BLCAP: variants seen among roughly 807,000 people sequenced by gnomAD.
BLCAP encodes apoptosis inducing factor BLCAP.
Under a neutral mutation model 5.7 loss-of-function variants are expected in BLCAP, and 1 was observed. The observed-to-expected ratio is 0.18, with a 90% CI of 0.06 to 0.83. The LOEUF is 0.83. BLCAP is among the 40% of genes least tolerant of loss of function. The pLI, the probability that BLCAP is intolerant of heterozygous loss-of-function variation, is 0.71. For synonymous variants in BLCAP, 48 were observed against 49.4 expected (o/e 0.97, Z 0.11); for missense variants, 66 against 107.6 (o/e 0.61, Z 1.71).
At chr20:37,522,598 G>GGGGGGGGGGGTGCC in intron 1 of BLCAP, 1 of 864,476 alleles carries the variant, frequency 1.2e-6, no homozygotes, top group Non-Finnish European at 1.7e-6. Context: ...GCGGGGGTGG[G>GGGGGGGGGGGTGCC]CACGGCAGCA....
At chr20:37,522,724 G>T in intron 1 of BLCAP, 4 of 1,611,360 alleles carry the variant, frequency 2.5e-6, no homozygotes, top group Middle Eastern at 1.9e-4. Flanking sequence ...CGGGCGGCAG[G>T]TGTTGGGGGA....
chr20:37,522,558 G>A (rs890767882), intron 1 of BLCAP: 259 of 1,362,804 alleles, frequency 1.9e-4, no homozygotes, highest in Admixed American at 2.8e-4. Flanking sequence ...TCCAGCCTAC[G>A]CTGGATGGGC....
At chr20:37,523,780 G>C (rs779556669) in intron 1 of BLCAP, 1 of 152,300 alleles carries the variant, frequency 6.6e-6, no homozygotes, top group Non-Finnish European at 1.5e-5. Flanking sequence ...CACTGCTTGG[G>C]GGAGGGAGGA....
At chr20:37,522,609 CCA>C in intron 1 of BLCAP, 2 of 1,524,332 alleles carry the variant, frequency 1.3e-6, no homozygotes. Context: ...CACGGCAGCA[CCA>C]CAGACATGCT....
At chr20:37,519,720 C>A (rs924878968) in intron 1 of BLCAP, among the ~76,000 whole-genome samples, 7 of 152,220 alleles carry the variant, frequency 4.6e-5, no homozygotes, top group Non-Finnish European at 7.3e-5. Flanking sequence ...GGGGCCCAGA[C>A]CTCACAATAC....
chr20:37,525,580 T>G (rs569468960), intron 1 of BLCAP, among the ~76,000 whole-genome samples: 1 of 152,256 alleles, frequency 6.6e-6, no homozygotes, highest in South Asian at 2.1e-4. Flanking sequence ...CACTCCCCAT[T>G]TGCATCCTCC....
chr20:37,520,551 A>T (rs1170375647), intron 1 of BLCAP: 1 of 152,302 alleles, frequency 6.6e-6, no homozygotes, highest in Non-Finnish European at 1.5e-5. Flanking sequence ...TTCCGTGCAT[A>T]CGAAGGGCGC....
chr20:37,527,626 A>T (rs1454970470), intron 1 of BLCAP, 167 bp downstream of exon 1: 1 of 152,412 alleles, frequency 6.6e-6, no homozygotes, highest in African/African-American at 2.4e-5. Context: ...AATCACGGCA[A>T]TCACCTGAAG....
chr20:37,522,261 T>C, intron 1 of BLCAP: 1 of 838,116 alleles, frequency 1.2e-6, no homozygotes, highest in South Asian at 1.6e-5. Flanking sequence ...AAGAAAGCGC[T>C]TTGCCCATAA....
chr20:37,522,674 G>A, intron 1 of BLCAP: 2 of 1,611,626 alleles, frequency 1.2e-6, no homozygotes, highest in Non-Finnish European at 8.5e-7. Flanking sequence ...CAGGTGTTCA[G>A]GTACTCCCTG....
chr20:37,527,763 C>T (rs2071749848), intron 1 of BLCAP, 30 bp downstream of exon 1: 1 of 152,238 alleles, frequency 6.6e-6, no homozygotes, highest in Non-Finnish European at 1.5e-5. Flanking sequence ...GGCCTCTCAT[C>T]CCGCCCCAAG....
intron 1 of BLCAP, chr20:37,522,745 C>A: frequency 6.2e-7 from 1 of 1,605,152 alleles, no homozygotes. Flanking sequence ...GCGCAGGCAG[C>A]GAGCCCCCAA....
At position 37,521,517 on chromosome 20, in the gene BLCAP, T is replaced by G; in HGVS notation, c.-176-2167A>C. The G allele has an allele frequency of 9.2e-7, 1 of 1,092,260 alleles. No homozygotes were observed. Among genetic ancestry groups the G allele is most frequent in the South Asian group, 1.3e-5 (1 of 75,144 alleles). 67.7% of individuals were successfully genotyped at this position (1,092,260 alleles called of 1,614,324 possible). ...ACCCGTCCTATTCCGATTGCCGCGA[T>G]CCTTGCCTGCCCAAGTGCCGCTGCC... On this transcript the variant is annotated intron_variant, in intron 1 of 1. Transcript: ENST00000373537. This position sits in a 1 kb window ranked among gnomAD's most constrained non-coding sequence, Gnocchi z 4.5.
chr20:37,519,697 A>G (rs2071504403), intron 1 of BLCAP, among the ~76,000 whole-genome samples: 1 of 152,182 alleles, frequency 6.6e-6, no homozygotes, highest in Non-Finnish European at 1.5e-5. Context: ...CTGGGGCTGC[A>G]GCCCGTCCTC....
chr20:37,521,304 C>T lies in BLCAP; in HGVS notation c.-176-1954G>A. 1 of 1,612,036 alleles carries T rather than the reference C, an allele frequency of 6.2e-7. No homozygotes were observed. Among genetic ancestry groups the T allele is most frequent in the Middle Eastern group, 1.7e-4 (1 of 6,056 alleles). ...GCGGATCTCGGCAAACCCTCTTTCTCGACCACCCACCTACCATTCTTGGAA... is the reference window on the plus strand; with the variant it reads ...GCGGATCTCGGCAAACCCTCTTTCTTGACCACCCACCTACCATTCTTGGAA... On this transcript the variant is annotated intron_variant, in intron 1 of 1. Transcript: ENST00000373537. This position sits in a 1 kb window ranked among gnomAD's most constrained non-coding sequence, Gnocchi z 4.5.
In BLCAP at chr20:37,522,561, G is replaced by A. The variant is rs544616101; in HGVS notation, c.-176-3211C>T. The A allele has an allele frequency of 7.2e-4, 990 of 1,365,812 alleles. 3 individuals carry two copies. Among genetic ancestry groups the A allele is most frequent in the Non-Finnish European group, 9.2e-4 (920 of 1,005,240 alleles). 84.6% of individuals were successfully genotyped at this position (1,365,812 alleles called of 1,614,324 possible). ...CGCGCCCGCCTCTCCAGCCTACGCT[G>A]GATGGGCGGGCGGGGCAGGGGGTGG... is the stretch of plus-strand genomic sequence containing the variant. On this transcript the variant is annotated intron_variant, in intron 1 of 1. Transcript: ENST00000373537.
chr20:37,521,534 G>A lies in BLCAP; in HGVS notation c.-176-2184C>T, dbSNP rs1436571915. The A allele has an allele frequency of 4.4e-6, 4 of 919,502 alleles. No homozygotes were observed. Among genetic ancestry groups the A allele is most frequent in the Admixed American group, 4.0e-5 (2 of 49,926 alleles). 57.0% of individuals were successfully genotyped at this position (919,502 alleles called of 1,614,324 possible). A position where few individuals can be genotyped will look rare whatever the true frequency, so the allele number is the denominator to read the frequency against. ...TGCCGCGATCCTTGCCTGCCCAAGT[G>A]CCGCTGCCGGCACCGCGCGCCCCCT... On this transcript the variant is annotated intron_variant, in intron 1 of 1. Transcript: ENST00000373537. The surrounding 1 kb of genome is among the most constrained non-coding windows in gnomAD (Gnocchi z 4.5).
chr20:37,526,286 C>T (rs2071719331), intron 1 of BLCAP, among the ~76,000 whole-genome samples: 1 of 148,886 alleles, frequency 6.7e-6, no homozygotes, highest in Admixed American at 6.7e-5. Flanking sequence ...CCCCCACCGC[C>T]CCCACCCCCC....
At chr20:37,526,074 A>G (rs1369791397) in intron 1 of BLCAP, among the ~76,000 whole-genome samples, 2 of 152,120 alleles carry the variant, frequency 1.3e-5, no homozygotes, top group African/African-American at 2.4e-5. Flanking sequence ...TATCTGTGGA[A>G]TATTTGAATT....
Sources: gnomAD v4.1 joint callset for allele counts (sites outside exome capture counted in the v4.1 genomes callset) on GRCh38, gnomAD v4.1.1 for gene constraint, Gnocchi (gnomAD v3.1) non-coding constraint, MANE v1.5 for transcripts, NCBI Gene and HGNC (gene_info 2026-07-23, HGNC 2026-07-21) for gene names.